PAM: variants seen among roughly 807,000 people sequenced by gnomAD.
PAM encodes the protein peptidyl-glycine alpha-amidating monooxygenase.
Under a neutral mutation model 122.1 loss-of-function variants are expected in PAM, and 72 were observed. The ratio of observed to expected loss-of-function variants is 0.59; its 90% CI spans 0.49 to 0.72. The LOEUF is 0.72. Ranked by LOEUF, PAM falls within the 30% of genes least tolerant of loss-of-function variation. The probability of loss-of-function intolerance (pLI) is 0.00; values close to 1 mark genes in which losing one functional copy is unlikely to be tolerated. For synonymous variants in PAM, 389 were observed against 404.4 expected (o/e 0.96, Z 0.46); for missense variants, 1,106 against 1,183.7 (o/e 0.93, Z 0.96).
intron 1 of PAM, among the ~76,000 whole-genome samples, chr5:102,853,555 C>G (rs1781847740): frequency 6.6e-6 from 1 of 152,316 alleles, no homozygotes; most frequent in Admixed American, 6.5e-5. Context: ...ACCTGAAACA[C>G]TAATAACAAC....
chr5:102,878,993 A>G (rs181837151), intron 3 of PAM, among the ~76,000 whole-genome samples: 1 of 152,048 alleles, frequency 6.6e-6, no homozygotes, highest in Non-Finnish European at 1.5e-5. Flanking sequence ...CAGTGGCAAG[A>G]TCTACGTTCA....
intron 1 of PAM, among the ~76,000 whole-genome samples, chr5:102,768,207 A>T (rs1754686040): frequency 2.0e-5 from 3 of 152,026 alleles, no homozygotes; most frequent in African/African-American, 7.3e-5. Flanking sequence ...AAATTTTTTT[A>T]ATTTTTAATT....
At chr5:103,014,857 T>C (rs1201562797) in intron 21 of PAM, among the ~76,000 whole-genome samples, 1 of 152,190 alleles carries the variant, frequency 6.6e-6, no homozygotes, top group Non-Finnish European at 1.5e-5. Context: ...ATTCCCCCTG[T>C]AATCAAAGGA....
intron 4 of PAM, among the ~76,000 whole-genome samples, chr5:102,909,003 C>G (rs1156796068): frequency 6.6e-6 from 1 of 151,718 alleles, no homozygotes; most frequent in African/African-American, 2.4e-5. Flanking sequence ...GCATTACTAT[C>G]TTTACTTTGA....
At chr5:102,973,453 A>C (rs188919081) in intron 14 of PAM, among the ~76,000 whole-genome samples, 73 of 152,318 alleles carry the variant, frequency 4.8e-4, no homozygotes, top group Admixed American at 4.0e-3. Flanking sequence ...CACCCTAATG[A>C]TATCAGTTTA....
chr5:102,868,655 C>A (rs942662694), intron 3 of PAM, among the ~76,000 whole-genome samples: 6 of 152,122 alleles, frequency 3.9e-5, no homozygotes, highest in African/African-American at 1.4e-4. Context: ...TGGGTTTCCC[C>A]CCTGTATTTG....
At chr5:102,820,136 G>A (rs181573105) in intron 1 of PAM, among the ~76,000 whole-genome samples, 2 of 152,154 alleles carry the variant, frequency 1.3e-5, no homozygotes, top group Admixed American at 1.3e-4. Flanking sequence ...TTAGAACATA[G>A]CATAAAATCA....
intron 1 of PAM, among the ~76,000 whole-genome samples, chr5:102,770,854 A>G (rs1033304392): frequency 6.6e-6 from 1 of 151,988 alleles, no homozygotes; most frequent in Non-Finnish European, 1.5e-5. Context: ...TAATATTGGC[A>G]TCACAGAATG....
At chr5:102,924,934 A>T in intron 5 of PAM, 23 bp from the exon 6 acceptor site, 2 of 1,206,916 alleles carry the variant, frequency 1.7e-6, no homozygotes, top group Non-Finnish European at 2.5e-6. Flanking sequence ...ATCTTCATTT[A>T]TACTACTTTT....
At chr5:102,872,182 C>G (rs940658716) in intron 3 of PAM, among the ~76,000 whole-genome samples, 5 of 152,108 alleles carry the variant, frequency 3.3e-5, no homozygotes, top group African/African-American at 1.2e-4. Flanking sequence ...TTAAAGGACT[C>G]TTCAGATCAT....
intron 1 of PAM, among the ~76,000 whole-genome samples, chr5:102,800,447 C>G (rs1764411004): frequency 6.6e-6 from 1 of 152,148 alleles, no homozygotes; most frequent in African/African-American, 2.4e-5. Flanking sequence ...AGAGCAGTGG[C>G]CTTGCCTGGC....
intron 1 of PAM, among the ~76,000 whole-genome samples, chr5:102,778,244 ATTTTGCCC>A (rs889698137): frequency 6.6e-6 from 1 of 152,044 alleles, no homozygotes; most frequent in African/African-American, 2.4e-5. Flanking sequence ...ATGGTCCTTG[ATTTTGCCC>A]TATACTTGTA....
At chr5:102,797,860 A>C (rs768731864) in intron 1 of PAM, among the ~76,000 whole-genome samples, 26 of 152,250 alleles carry the variant, frequency 1.7e-4, no homozygotes, top group South Asian at 4.1e-4. Flanking sequence ...ACTACTACTA[A>C]TAATAACACA....
chr5:102,906,762 T>G (rs1799673485), intron 4 of PAM, among the ~76,000 whole-genome samples: 1 of 151,274 alleles, frequency 6.6e-6, no homozygotes, highest in Non-Finnish European at 1.5e-5. Context: ...GAATGAGGAG[T>G]GGATGTAAAG....
intron 1 of PAM, among the ~76,000 whole-genome samples, chr5:102,825,510 GAAGAACATTT>G (rs1773335532): frequency 6.6e-6 from 1 of 152,150 alleles, no homozygotes; most frequent in Admixed American, 6.6e-5. Context: ...GCGATGCTGG[GAAGAACATTT>G]AATATAGAGT....
chr5:102,785,228 T>C (rs1214839755), intron 1 of PAM, among the ~76,000 whole-genome samples: 1 of 152,206 alleles, frequency 6.6e-6, no homozygotes, highest in Non-Finnish European at 1.5e-5. Flanking sequence ...GAAATGCAGA[T>C]ATCTGGGCCC....
chr5:102,872,223 T>C (rs888296749), intron 3 of PAM, among the ~76,000 whole-genome samples: 1 of 152,200 alleles, frequency 6.6e-6, no homozygotes, highest in Non-Finnish European at 1.5e-5. Flanking sequence ...CCTATCCCTG[T>C]GTATCTAAGC....
At chr5:102,985,012 TA>T (rs561237476) in intron 15 of PAM, among the ~76,000 whole-genome samples, 9,296 of 140,720 alleles carry the variant, frequency 0.066, 892 homozygotes, top group African/African-American at 0.22. Flanking sequence ...ATGAAGGAAA[TA>T]AAAAAAAAAA....
Position 102,974,296 on chromosome 5 carries a change from G to T in PAM, c.1343G>T (p.Arg448Met), listed in dbSNP as rs778240163. Residue 448 changes from arginine to methionine, a missense_variant, in exon 15 of 26, where the codon AGG (arginine) becomes ATG (methionine). Arg to Met is a moderately conservative substitution (Grantham distance 91). Transcript: ENST00000438793. ...SDAREGAEHE[R>M]GNAILVRDRI... ...GCCAGAGAGGGTGCAGAACATGAGA[G>T]GGGTAATGCTATTCTTGTCAGAGAC... 4.3e-6 allele frequency: 7 copies of T among 1,614,034 alleles called. No homozygotes were observed. Among genetic ancestry groups the T allele is most frequent in the Middle Eastern group, 1.6e-4 (1 of 6,062 alleles).
Sources: allele counts gnomAD v4.1 joint callset (sites outside exome capture counted in the v4.1 genomes callset), GRCh38; gene constraint gnomAD v4.1.1; transcripts MANE v1.5; gene names NCBI Gene and HGNC (gene_info 2026-07-23, HGNC 2026-07-21).